ADAM20: variants seen among roughly 807,000 people sequenced by gnomAD.
ADAM20 encodes ADAM metallopeptidase domain 20.
For synonymous variants in ADAM20, 305 were observed against 310.2 expected (o/e 0.98, Z 0.18); for missense variants, 871 against 883.2 (o/e 0.99, Z 0.18).
At chr14:70,576,739 A>G in the ADAM20 span, among the ~76,000 whole-genome samples, 1 of 152,192 alleles carries the variant, frequency 6.6e-6, no homozygotes, top group Admixed American at 6.5e-5. Context: ...GAGGAGGGAC[A>G]TGAGGGGGAA....
At chr14:70,524,987 A>C (rs1390520935) in intron 1 of ADAM20, 54 bp from the exon 2 acceptor site, 11 of 1,430,150 alleles carry the variant, frequency 7.7e-6, no homozygotes, top group Non-Finnish European at 1.0e-5. Flanking sequence ...GAGAGAGAGA[A>C]AAAAGGCAAA....
In ADAM20 at chr14:70,524,065, C is replaced by T; in HGVS notation, c.693G>A (p.Gln231=). 2 of 1,613,948 alleles carry T rather than the reference C, an allele frequency of 1.2e-6. No homozygotes were observed. The highest frequency in any genetic ancestry group is 1.7e-6 in the Non-Finnish European group (2 of 1,179,958). The change falls in exon 2 of 2, where the codon CAG becomes CAA. Residue 231 remains glutamine, a synonymous_variant. Coordinates refer to ENST00000256389, the MANE Select transcript of ADAM20 (RefSeq NM_003814.5). ...LFSQSNATTV[Q]HEVFNVVNIV... ...TATTGACAACGTTAAATACTTCATG[C>T]TGCACTGTTGTTGCATTACTTTGAG...
At chr14:70,532,339 C>A (rs145898597) in intron 1 of ADAM20, among the ~76,000 whole-genome samples, 11 of 151,736 alleles carry the variant, frequency 7.2e-5, no homozygotes, top group Admixed American at 7.2e-4. Flanking sequence ...GAAATAAAAA[C>A]ATAAAAATAA....
chr14:70,579,354 G>C, the ADAM20 span, among the ~76,000 whole-genome samples: 2 of 151,976 alleles, frequency 1.3e-5, no homozygotes, highest in African/African-American at 4.8e-5. Context: ...TCTGTTTTTT[G>C]ACTTTTTAAT....
At chr14:70,533,475 C>T (rs1264051704) in intron 1 of ADAM20, among the ~76,000 whole-genome samples, 2 of 152,062 alleles carry the variant, frequency 1.3e-5, no homozygotes, top group Non-Finnish European at 2.9e-5. Flanking sequence ...CTGGAAGCCA[C>T]CATTCTCAGC....
At chr14:70,575,096 A>C in the ADAM20 span, among the ~76,000 whole-genome samples, 5 of 151,944 alleles carry the variant, frequency 3.3e-5, no homozygotes, top group East Asian at 7.7e-4. Context: ...ACACGAGATA[A>C]ATAAGTTCTA....
At chr14:70,567,143 T>A in the ADAM20 span, among the ~76,000 whole-genome samples, 1 of 152,262 alleles carries the variant, frequency 6.6e-6, no homozygotes, top group African/African-American at 2.4e-5. Flanking sequence ...CTAGCTCCTG[T>A]AGGAATTCAT....
chr14:70,561,475 C>G, the ADAM20 span, among the ~76,000 whole-genome samples: 6 of 152,232 alleles, frequency 3.9e-5, no homozygotes, highest in African/African-American at 7.2e-5. Context: ...GAAATTCAAG[C>G]CTGCTGCAGA....
chr14:70,525,059 T>C, intron 1 of ADAM20, 126 bp from the exon 2 acceptor site: 1 of 813,154 alleles, frequency 1.2e-6, no homozygotes, highest in Non-Finnish European at 1.9e-6. Flanking sequence ...TCTTAATACA[T>C]ATGGCCAAGA....
chr14:70,523,323 T>A lies in ADAM20; in HGVS notation c.1435A>T (p.Asn479Tyr). The A allele has an allele frequency of 6.2e-7, 1 of 1,614,032 alleles. No homozygotes were observed. The highest frequency in any genetic ancestry group is 8.5e-7 in the Non-Finnish European group (1 of 1,179,950). ...TCTGGGCATTGATGGGATGTCCCAT[T>A]GCACCACTCTGGAAGGTCACATTCA... ...VGECDLPEWCNGTSHQCPDDV... is the reference protein window; with the variant it reads ...VGECDLPEWCYGTSHQCPDDV... Residue 479 changes from asparagine (N) to tyrosine (Y), a missense_variant, in exon 2 of 2, where the codon AAT (asparagine) becomes TAT (tyrosine). Coordinates refer to ENST00000256389, the MANE Select transcript of ADAM20 (RefSeq NM_003814.5).
the ADAM20 span, among the ~76,000 whole-genome samples, chr14:70,573,447 G>A: frequency 2.0e-5 from 3 of 152,162 alleles, no homozygotes; most frequent in Admixed American, 6.5e-5. Context: ...GACGAAGATG[G>A]GAAAGAGTTG....
chr14:70,549,145 C>A, the ADAM20 span, among the ~76,000 whole-genome samples: 1 of 78,794 alleles, frequency 1.3e-5, no homozygotes. Context: ...AAAAGAGCTC[C>A]TGAAGGAAGC....
the ADAM20 span, among the ~76,000 whole-genome samples, chr14:70,566,063 C>T: frequency 1.3e-5 from 2 of 152,086 alleles, no homozygotes; most frequent in Non-Finnish European, 2.9e-5. Context: ...ATGAAAAACG[C>T]TACATGAAGT....
Position 70,522,472 on chromosome 14 carries a change from G to T in ADAM20, c.*105C>A. ...TGCAATCCTGACATGAAATGTCCAT[G>T]AAGTTTTATTTAAACAGTGAGACAT... On this transcript the variant is annotated 3_prime_UTR_variant, in exon 2 of 2. Coordinates refer to ENST00000256389, the MANE Select transcript of ADAM20 (RefSeq NM_003814.5). 1 of 1,157,628 alleles carries T rather than the reference G, an allele frequency of 8.6e-7. No individual in the cohort carries two copies. Among genetic ancestry groups the T allele is most frequent in the Non-Finnish European group, 1.2e-6 (1 of 842,288 alleles). The allele number at this position is 1,157,628 out of a possible 1,614,324, so 71.7% of individuals were successfully genotyped here. A position where few individuals can be genotyped will look rare whatever the true frequency, so the allele number is the denominator to read the frequency against.
chr14:70,528,032 G>T (rs868700464), intron 1 of ADAM20, among the ~76,000 whole-genome samples: 20 of 152,126 alleles, frequency 1.3e-4, no homozygotes, highest in African/African-American at 4.3e-4. Context: ...CATATCCTGT[G>T]TTTGAAATAT....
chr14:70,573,274 T>C, the ADAM20 span, among the ~76,000 whole-genome samples: 1 of 152,164 alleles, frequency 6.6e-6, no homozygotes, highest in African/African-American at 2.4e-5. Flanking sequence ...GATTGTGTCC[T>C]TTGGAGCAAC....
chr14:70,524,805 A>C lies in ADAM20; in HGVS notation c.-48T>G, dbSNP rs950445798. ...CATCTGTCTAGAGCAGAAGAGAACA[A>C]GGTGTGAGGCACTGCTGGTCTGGCT... is the stretch of plus-strand genomic sequence containing the variant. On this transcript the variant is annotated 5_prime_UTR_variant, in exon 2 of 2. Coordinates refer to ENST00000256389, the MANE Select transcript of ADAM20 (RefSeq NM_003814.5). 1 of 1,613,466 alleles carries C rather than the reference A, an allele frequency of 6.2e-7. No homozygotes were observed. The highest frequency in any genetic ancestry group is 8.5e-7 in the Non-Finnish European group (1 of 1,179,924).
chr14:70,575,343 C>T, the ADAM20 span, among the ~76,000 whole-genome samples: 3 of 152,006 alleles, frequency 2.0e-5, no homozygotes, highest in African/African-American at 7.2e-5. Context: ...TACAGGTGCA[C>T]ACCACCACAC....
chr14:70,532,431 G>A (rs1447515441), intron 1 of ADAM20, among the ~76,000 whole-genome samples: 1 of 152,092 alleles, frequency 6.6e-6, no homozygotes, highest in Non-Finnish European at 1.5e-5. Context: ...TCTTGGGCAT[G>A]ACACCAAAAG....
Sources: gnomAD v4.1 joint callset for allele counts (sites outside exome capture counted in the v4.1 genomes callset) on GRCh38, gnomAD v4.1.1 for gene constraint, MANE v1.5 for transcripts, NCBI Gene and HGNC (gene_info 2026-07-23, HGNC 2026-07-21) for gene names.